SAMHD1: variants seen among roughly 807,000 people sequenced by gnomAD.
SAMHD1 encodes SAM and HD domain containing deoxynucleoside triphosphate triphosphohydrolase 1.
Under a neutral mutation model 79.6 loss-of-function variants are expected in SAMHD1, and 54 were observed. That is an observed-to-expected ratio of 0.68 (90% CI 0.55 to 0.85). The LOEUF (loss-of-function observed/expected upper bound fraction) is 0.85. Among genes scored for constraint, SAMHD1 ranks in the 40% least tolerant of loss-of-function variants. The probability of loss-of-function intolerance (pLI) is 0.00; values close to 1 mark genes in which losing one functional copy is unlikely to be tolerated. For missense variants in SAMHD1, 663 were observed against 782.7 expected (o/e 0.85, Z 1.82); for synonymous variants, 260 against 264.1 (o/e 0.98, Z 0.15).
chr20:36,914,799 A>G lies in SAMHD1; in HGVS notation c.1062+1923T>C, dbSNP rs905609164. ...AGGAGGACAAGTTGCTTGAGGTCAG[A>G]AGTTCGAGACCAGCCTGGGGAACAT... is the stretch of plus-strand genomic sequence containing the variant. On this transcript the variant is annotated intron_variant, in intron 9 of 15. Transcript: ENST00000646673. 4.6e-5 allele frequency among the ~76,000 whole-genome samples: 7 copies of G among 151,658 alleles called. No homozygotes were observed. The South Asian group carries it at 6.3e-4, about 14-fold the overall frequency.
intron 4 of SAMHD1, 173 bp from the exon 5 acceptor site, chr20:36,931,048 G>A (rs1426170544): frequency 1.5e-6 from 1 of 646,086 alleles, no homozygotes; most frequent in Non-Finnish European, 2.8e-6. Context: ...AATCCCAAAA[G>A]CAGGACCTCT....
chr20:36,898,569 A>C (rs1488430258), intron 13 of SAMHD1, 25 bp from the exon 14 acceptor site: 1 of 1,548,436 alleles, frequency 6.5e-7, no homozygotes, highest in Non-Finnish European at 8.9e-7. Context: ...TTCACAAGTA[A>C]TCATATAGCA....
intron 9 of SAMHD1, among the ~76,000 whole-genome samples, chr20:36,913,462 G>A (rs569163655): frequency 6.6e-6 from 1 of 151,442 alleles, no homozygotes; most frequent in Admixed American, 6.6e-5. Flanking sequence ...AATTAGCCGG[G>A]CATGATGGCG....
chr20:36,907,091 C>CTTT (rs75717058), intron 11 of SAMHD1, among the ~76,000 whole-genome samples: 46 of 140,144 alleles, frequency 3.3e-4, no homozygotes, highest in Non-Finnish European at 4.6e-4. Context: ...TGCACCTGGC[C>CTTT]TTTTTTTTTT....
intron 11 of SAMHD1, among the ~76,000 whole-genome samples, chr20:36,909,769 C>A (rs919022333): frequency 6.0e-5 from 9 of 151,040 alleles, no homozygotes; most frequent in African/African-American, 2.2e-4. Context: ...TTTGTTTCTG[C>A]AGAAGTGTGG....
At chr20:36,919,553 G>C in intron 6 of SAMHD1, 34 bp from the exon 7 acceptor site, 1 of 1,608,468 alleles carries the variant, frequency 6.2e-7, no homozygotes, top group Non-Finnish European at 8.5e-7. Flanking sequence ...ATGTGTTAAA[G>C]ATTCTAGCCC....
intron 6 of SAMHD1, among the ~76,000 whole-genome samples, chr20:36,921,957 G>A (rs1449323528): frequency 6.6e-6 from 1 of 152,124 alleles, no homozygotes; most frequent in Non-Finnish European, 1.5e-5. Context: ...CCAAAGTGCT[G>A]GGATTACAGA....
At chr20:36,895,242 C>T (rs1213367328) in intron 15 of SAMHD1, among the ~76,000 whole-genome samples, 5 of 151,908 alleles carry the variant, frequency 3.3e-5, no homozygotes, top group African/African-American at 9.7e-5. Context: ...TCTCATCTTC[C>T]GACCTAACCC....
At chr20:36,935,546 C>T in intron 3 of SAMHD1, 1 of 313,986 alleles carries the variant, frequency 3.2e-6, no homozygotes. Context: ...TCATGTAACC[C>T]ATATCACTAT....
rs549168345 is a variant in SAMHD1, at chr20:36,897,689, G to C, written c.1746+133C>G. The stretch of plus-strand genomic sequence containing the variant: ...CAGACATTTTAAAAGGAAAGAAAGT[G>C]AAAGACCTTATTTTCAAAACCATAA... On this transcript the variant is annotated intron_variant, in intron 15 of 15. Coordinates refer to ENST00000646673, the MANE Select transcript of SAMHD1 (RefSeq NM_015474.4). The C allele has an allele frequency of 9.1e-6, 9 of 993,340 alleles. No individual in the cohort carries two copies. In the South Asian group the frequency reaches 1.2e-4, roughly 14 times the overall value. 61.5% of individuals were successfully genotyped at this position (993,340 alleles called of 1,614,324 possible). A position where few individuals can be genotyped will look rare whatever the true frequency, so the allele number is the denominator to read the frequency against.
Position 36,890,398 on chromosome 20 carries a change from C to CTTTCTTTCTTTCTTTCTTTCTT in SAMHD1, c.*2512_*2533dup, listed in dbSNP as rs1568754664. ...ACAAATAGCAAAGATATTTCTTTCT[C>CTTTCTTTCTTTCTTTCTTTCTT]TTTCTTTCTTTCTTTCTTTCTTTTC... On this transcript the variant is annotated 3_prime_UTR_variant, in exon 16 of 16. Coordinates refer to ENST00000646673, the MANE Select transcript of SAMHD1 (RefSeq NM_015474.4). The CTTTCTTTCTTTCTTTCTTTCTT allele has an allele frequency of 1.4e-5, 2 of 145,742 alleles. No homozygotes were observed. The highest frequency in any genetic ancestry group is 3.0e-5 in the Non-Finnish European group (2 of 66,946). 9.0% of individuals were successfully genotyped at this position (145,742 alleles called of 1,614,324 possible).
intron 3 of SAMHD1, chr20:36,935,490 A>G (rs1362773392): frequency 7.6e-6 from 3 of 393,252 alleles, no homozygotes; most frequent in Non-Finnish European, 4.7e-6. Flanking sequence ...TCTTGTATTC[A>G]AGTTAAACAT....
chr20:36,927,560 G>A (rs949516367), intron 5 of SAMHD1, among the ~76,000 whole-genome samples: 2 of 151,830 alleles, frequency 1.3e-5, no homozygotes, highest in African/African-American at 2.4e-5. Context: ...CAGGTGATCC[G>A]CCCGTCTCAG....
At chr20:36,915,442 A>C (rs2063468780) in intron 9 of SAMHD1, among the ~76,000 whole-genome samples, 1 of 152,170 alleles carries the variant, frequency 6.6e-6, no homozygotes, top group Non-Finnish European at 1.5e-5. Context: ...TGGGAAGTCA[A>C]AAGTTATATG....
intron 11 of SAMHD1, among the ~76,000 whole-genome samples, chr20:36,906,212 T>C (rs1359045334): frequency 3.9e-5 from 6 of 152,112 alleles, no homozygotes; most frequent in Non-Finnish European, 4.4e-5. Context: ...CCAAGGCAGG[T>C]GGATCACCTG....
intron 2 of SAMHD1, among the ~76,000 whole-genome samples, chr20:36,944,237 C>G (rs943245822): frequency 6.6e-6 from 1 of 150,942 alleles, no homozygotes; most frequent in African/African-American, 2.4e-5. Flanking sequence ...GTCCCAGCTA[C>G]TTAGGAGGCT....
intron 1 of SAMHD1, among the ~76,000 whole-genome samples, chr20:36,948,362 C>T (rs1489136337): frequency 6.6e-6 from 1 of 152,036 alleles, no homozygotes; most frequent in African/African-American, 2.4e-5. Context: ...AAGTGATTCT[C>T]CTGCCTCAGC....
At chr20:36,948,409 T>C (rs184758205) in intron 1 of SAMHD1, among the ~76,000 whole-genome samples, 5 of 152,108 alleles carry the variant, frequency 3.3e-5, no homozygotes, top group Non-Finnish European at 7.4e-5. Context: ...CATACCACCA[T>C]GCCCGGCTAA....
At position 36,951,576 on chromosome 20, in the gene SAMHD1, G is replaced by C. The variant is rs139804668; in HGVS notation, c.68C>G (p.Ser23Ter). 2.0e-5 allele frequency: 32 copies of C among 1,614,084 alleles called. No individual in the cohort carries two copies. Among genetic ancestry groups the C allele is most frequent in the Non-Finnish European group, 2.5e-5 (30 of 1,180,014 alleles). Residue 23 changes from serine (S) to a stop codon, truncating the protein, a stop_gained, in exon 1 of 16, where the codon TCA (serine) becomes TGA (stop). Transcript: ENST00000646673. LOFTEE classifies it high-confidence loss of function. Reference sequence around the variant, plus strand: ...GTCTGCCTCTGCGGAAGGGGTGTTTGAGGGGGTTCTCGGGCTGTCATCGCA... The same window carrying C: ...GTCTGCCTCTGCGGAAGGGGTGTTTCAGGGGGTTCTCGGGCTGTCATCGCA... ...PRCDDSPRTP[S>*]NTPSAEADWS...
Sources: allele counts gnomAD v4.1 joint callset (sites outside exome capture counted in the v4.1 genomes callset), GRCh38; gene constraint gnomAD v4.1.1; transcripts MANE v1.5; gene names NCBI Gene and HGNC (gene_info 2026-07-23, HGNC 2026-07-21).